TGFBR3: variants seen among roughly 807,000 people sequenced by gnomAD.
TGFBR3 encodes the protein transforming growth factor beta receptor type 3.
TGFBR3 carries 46 observed loss-of-function variants against 87.9 expected under a neutral mutation model. The observed-to-expected ratio is 0.52, with a 90% CI of 0.41 to 0.67. TGFBR3 has a LOEUF of 0.67. Ranked by LOEUF, TGFBR3 falls within the 30% of genes least tolerant of loss-of-function variation. TGFBR3 has a pLI of 0.00. For synonymous variants in TGFBR3, 381 were observed against 391.6 expected (o/e 0.97, Z 0.32); for missense variants, 866 against 1,041.9 (o/e 0.83, Z 2.32).
rs964104013 is a variant in TGFBR3, at chr1:91,886,007, C to G, written c.-243G>C. On this transcript the variant is annotated 5_prime_UTR_variant, in exon 1 of 17. Coordinates refer to ENST00000212355, the MANE Select transcript of TGFBR3 (RefSeq NM_003243.5). ...CTGCGCCGCGGCAAAACTACGCCAT[C>G]CGGACCCGCTGGGGACTCTCACCTC... 22 of 453,496 alleles carry G rather than the reference C, an allele frequency of 4.9e-5. No homozygotes were observed. The highest frequency in any genetic ancestry group is 4.4e-4 in the African/African-American group (22 of 49,966). The allele number at this position is 453,496 out of a possible 1,614,324, so 28.1% of individuals were successfully genotyped here.
At chr1:91,796,236 C>A (rs1675375728) in intron 3 of TGFBR3, among the ~76,000 whole-genome samples, 1 of 152,166 alleles carries the variant, frequency 6.6e-6, no homozygotes. Flanking sequence ...GATGACCATT[C>A]ACCCACAATC....
At chr1:91,766,219 T>C (rs1232691687) in intron 3 of TGFBR3, among the ~76,000 whole-genome samples, 1 of 139,786 alleles carries the variant, frequency 7.2e-6, no homozygotes, top group Admixed American at 7.1e-5. Context: ...TTTTTTTTTG[T>C]AGAGACAGGG....
Position 91,712,470 on chromosome 1 carries a change from G to T in TGFBR3, c.1939C>A (p.Pro647Thr), listed in dbSNP as rs749474625. ...QTCFISPYSN[P>T]DRMSHYTIIE... is the part of the protein sequence containing the mutation. ...ATGGTGTAATGAGACATCCTATCAGGGTTCGAATATGGAGAGATAAAGCAC... is the reference window on the plus strand; with the variant it reads ...ATGGTGTAATGAGACATCCTATCAGTGTTCGAATATGGAGAGATAAAGCAC... Residue 647 changes from proline to threonine, a missense_variant, in exon 13 of 17, where the codon CCT becomes ACT. Pro to Thr is a conservative substitution (Grantham distance 38, BLOSUM62 -1). Coordinates refer to ENST00000212355, the MANE Select transcript of TGFBR3 (RefSeq NM_003243.5). 1.2e-6 allele frequency: 2 copies of T among 1,614,142 alleles called. No homozygotes were observed. The highest frequency in any genetic ancestry group is 1.7e-5 in the Admixed American group (1 of 60,028).
At chr1:91,714,584 G>A (rs1217494624) in intron 12 of TGFBR3, among the ~76,000 whole-genome samples, 1 of 152,136 alleles carries the variant, frequency 6.6e-6, no homozygotes, top group Admixed American at 6.5e-5. Context: ...CTTCAAGTAA[G>A]CCAGCATTTG....
chr1:91,860,466 G>C (rs1039161351), intron 2 of TGFBR3, among the ~76,000 whole-genome samples: 3 of 152,042 alleles, frequency 2.0e-5, no homozygotes, highest in Non-Finnish European at 2.9e-5. Flanking sequence ...TTACAGAATA[G>C]ACACAATGGA....
intron 14 of TGFBR3, among the ~76,000 whole-genome samples, chr1:91,708,178 G>A (rs374862641): frequency 6.6e-6 from 1 of 152,176 alleles, no homozygotes; most frequent in Admixed American, 6.5e-5. Context: ...AGATGCATTT[G>A]GGCAGTGGTT....
At chr1:91,890,409 C>CTTT (rs1175619952), upstream of TGFBR3, among the ~76,000 whole-genome samples, 290 of 60,378 alleles carry the variant, frequency 4.8e-3, 62 homozygotes, top group African/African-American at 0.017. Flanking sequence ...TCTCTATAAT[C>CTTT]TTTTTTTTTT....
At chr1:91,719,833 A>C (rs1448776894) in intron 9 of TGFBR3, 60 bp downstream of exon 9, 1 of 1,575,096 alleles carries the variant, frequency 6.3e-7, no homozygotes. Flanking sequence ...ACAGATGCAG[A>C]CTAGGGCCAG....
rs370842290 is a variant in TGFBR3, at chr1:91,884,838, T to C, written c.-114+1040A>G. Among the ~76,000 whole-genome samples, 10 of 152,368 alleles carry C rather than the reference T, an allele frequency of 6.6e-5. No individual in the cohort carries two copies. In the South Asian group the frequency reaches 8.3e-4, roughly 13 times the overall value. The stretch of plus-strand genomic sequence containing the variant: ...TCAGGAAGAAGAAACGGTCTTGACG[T>C]GTGTTTTTACTACCTGTGGAGACTT... On this transcript the variant is annotated intron_variant, in intron 1 of 16. Coordinates refer to ENST00000212355, the MANE Select transcript of TGFBR3 (RefSeq NM_003243.5).
At chr1:91,711,894 A>C (rs1386501054) in intron 13 of TGFBR3, among the ~76,000 whole-genome samples, 3 of 152,246 alleles carry the variant, frequency 2.0e-5, no homozygotes, top group Non-Finnish European at 2.9e-5. Context: ...GGACCTGGAA[A>C]AATTAATTCT....
At chr1:91,737,793 T>A (rs1673014384) in intron 4 of TGFBR3, among the ~76,000 whole-genome samples, 1 of 152,152 alleles carries the variant, frequency 6.6e-6, no homozygotes, top group Admixed American at 6.5e-5. Flanking sequence ...AACAGGATAG[T>A]CTCTGAAAGA....
At chr1:91,750,021 A>G (rs1673481410) in intron 4 of TGFBR3, among the ~76,000 whole-genome samples, 1 of 152,206 alleles carries the variant, frequency 6.6e-6, no homozygotes, top group Non-Finnish European at 1.5e-5. Flanking sequence ...CTCCACACGA[A>G]GAAACACCAA....
chr1:91,799,057 A>G (rs925692155), intron 2 of TGFBR3, among the ~76,000 whole-genome samples: 3 of 152,212 alleles, frequency 2.0e-5, no homozygotes, highest in African/African-American at 7.2e-5. Context: ...ACAACCTCCC[A>G]GATAGAACCC....
intron 2 of TGFBR3, among the ~76,000 whole-genome samples, chr1:91,850,780 CAAAAAAAA>C (rs61025683): frequency 3.4e-5 from 2 of 58,418 alleles, no homozygotes; most frequent in African/African-American, 5.4e-5. Flanking sequence ...GACCCTGTCT[CAAAAAAAA>C]AAAAAAAAAA....
rs370812636 is a variant in TGFBR3 at position 91,710,429 on chromosome 1, C to G, written c.2167-1646G>C. 1.2e-4 allele frequency among the ~76,000 whole-genome samples: 19 copies of G among 152,262 alleles called. No individual in the cohort carries two copies. In the East Asian group the frequency reaches 2.7e-3, roughly 22 times the overall value. On this transcript the variant is annotated intron_variant, in intron 13 of 16. Transcript: ENST00000212355. ...TTGAGCTCTTCAGTTAAGCAAGAGT[C>G]TATGATTCCGCATTTAACTCAGTGG... is the stretch of plus-strand genomic sequence containing the variant.
At chr1:91,783,333 C>T (rs1394090361) in intron 3 of TGFBR3, 2 of 152,154 alleles carry the variant, frequency 1.3e-5, no homozygotes, top group African/African-American at 2.4e-5. Flanking sequence ...GGACTAGAAC[C>T]CTGTCTAATA....
intron 4 of TGFBR3, among the ~76,000 whole-genome samples, chr1:91,751,568 T>C (rs1210854650): frequency 6.6e-6 from 1 of 152,036 alleles, no homozygotes; most frequent in Non-Finnish European, 1.5e-5. Context: ...CAAACTCCAG[T>C]GCAGACCAGA....
intron 1 of TGFBR3, among the ~76,000 whole-genome samples, chr1:91,867,026 G>C (rs1429290016): frequency 6.6e-6 from 1 of 152,238 alleles, no homozygotes; most frequent in African/African-American, 2.4e-5. Context: ...TGGAGGTTTA[G>C]ATCAGAATGG....
chr1:91,746,224 C>T (rs1450567469), intron 4 of TGFBR3, among the ~76,000 whole-genome samples: 1 of 152,154 alleles, frequency 6.6e-6, no homozygotes, highest in Non-Finnish European at 1.5e-5. Flanking sequence ...GAAACGTTAT[C>T]AGAACAACAG....
Sources: gnomAD v4.1 joint callset for allele counts (sites outside exome capture counted in the v4.1 genomes callset) on GRCh38, gnomAD v4.1.1 for gene constraint, MANE v1.5 for transcripts, NCBI Gene and HGNC (gene_info 2026-07-23, HGNC 2026-07-21) for gene names.